Variants in IKZF3 observed in about 807,000 individuals in gnomAD.
The protein encoded by IKZF3 is zinc finger protein Aiolos.
In IKZF3, 10 loss-of-function variants were observed where a neutral mutation model predicts 49.0. The observed-to-expected ratio is 0.20, with a 90% confidence interval of 0.13 to 0.35. The LOEUF (loss-of-function observed/expected upper bound fraction) is 0.35. Ranked by LOEUF, IKZF3 falls within the 10% of genes least tolerant of loss-of-function variation. IKZF3 has a pLI of 1.00. For missense variants in IKZF3, 498 were observed against 664.8 expected (o/e 0.75, Z 2.76); for synonymous variants, 209 against 228.2 (o/e 0.92, Z 0.76).
chr17:39,785,524 G>C (rs937089578), intron 6 of IKZF3, among the ~76,000 whole-genome samples: 2 of 151,996 alleles, frequency 1.3e-5, no homozygotes, highest in East Asian at 3.9e-4. Context: ...TATTACTTTT[G>C]ATACTTTTCC....
Position 39,823,143 on chromosome 17 carries a change from C to T in IKZF3, c.163+6244G>A, listed in dbSNP as rs186590046. Among the ~76,000 whole-genome samples, 27 of 152,228 alleles carry T rather than the reference C, an allele frequency of 1.8e-4. No homozygotes were observed. The East Asian group carries it at 4.1e-3, about 23-fold the overall frequency. On this transcript the variant is annotated intron_variant, in intron 3 of 7. Transcript: ENST00000346872. ...TTCCTAGAGACTTGTTGAATGGTTT[C>T]GACCAAAATGCTGACAGTGATATGG...
At chr17:39,801,887 T>C (rs2061326535) in intron 3 of IKZF3, among the ~76,000 whole-genome samples, 1 of 152,128 alleles carries the variant, frequency 6.6e-6, no homozygotes. Flanking sequence ...AAAATGCCTA[T>C]TTTTAAATTA....
intron 3 of IKZF3, among the ~76,000 whole-genome samples, chr17:39,801,983 T>C (rs1011646478): frequency 3.3e-5 from 5 of 151,712 alleles, no homozygotes; most frequent in African/African-American, 9.7e-5. Flanking sequence ...TCCCAGCACT[T>C]TGGGAGGCTG....
At chr17:39,804,314 G>A (rs1050955825) in intron 3 of IKZF3, among the ~76,000 whole-genome samples, 1 of 152,096 alleles carries the variant, frequency 6.6e-6, no homozygotes, top group Non-Finnish European at 1.5e-5. Flanking sequence ...TGGGCATAGT[G>A]GCACGCGCCT....
chr17:39,850,515 CATATTATA>C (rs1568063673), intron 1 of IKZF3, among the ~76,000 whole-genome samples: 1,162 of 33,898 alleles, frequency 0.034, 30 homozygotes, highest in Non-Finnish European at 0.052. Context: ...TAATATATAG[CATATTATA>C]CATATTATAC....
chr17:39,859,195 A>T (rs2063149060), intron 1 of IKZF3, among the ~76,000 whole-genome samples: 1 of 152,020 alleles, frequency 6.6e-6, no homozygotes, highest in South Asian at 2.1e-4. Context: ...CTGAAAAAAT[A>T]ACCTCATTCA....
intron 3 of IKZF3, among the ~76,000 whole-genome samples, chr17:39,797,139 T>G (rs1196803922): frequency 6.6e-6 from 1 of 150,542 alleles, no homozygotes; most frequent in Non-Finnish European, 1.5e-5. Flanking sequence ...CACTCCAGCT[T>G]GGGTGACAAA....
rs146993288 is a variant in IKZF3 at position 39,787,240 on chromosome 17, A to C, written c.709+1018T>G. The stretch of plus-strand genomic sequence containing the variant: ...TCAATGGGACAAAGGACAGCTGAAG[A>C]GATGTGACACAAAAAAGTTTCAGGC... On this transcript the variant is annotated intron_variant, in intron 6 of 7. Transcript: ENST00000346872. Among the ~76,000 whole-genome samples the C allele has an allele frequency of 6.5e-3, 984 of 152,376 alleles. 4 individuals carry two copies. The highest frequency in any genetic ancestry group is 0.01 in the Admixed American group (155 of 15,304).
At position 39,815,014 on chromosome 17, in the gene IKZF3, T is replaced by C. The variant is rs2061646556; in HGVS notation, c.163+14373A>G. Among the ~76,000 whole-genome samples the C allele has an allele frequency of 3.3e-5, 5 of 152,106 alleles. No individual in the cohort carries two copies. The South Asian group carries it at 1.0e-3, about 31-fold the overall frequency. The stretch of plus-strand genomic sequence containing the variant: ...CTCCAGAACAAATGGCTTGTGTAAA[T>C]AGAGATAGTGGATGATGGGGGCTGC... On this transcript the variant is annotated intron_variant, in intron 3 of 7. Transcript: ENST00000346872.
At chr17:39,855,139 G>A (rs143018914) in intron 1 of IKZF3, among the ~76,000 whole-genome samples, 143 of 152,274 alleles carry the variant, frequency 9.4e-4, no homozygotes, top group Middle Eastern at 6.8e-3. Context: ...AGGAAGATAG[G>A]CTTAGCAGTG....
intron 1 of IKZF3, among the ~76,000 whole-genome samples, chr17:39,860,479 C>T (rs543063445): frequency 1.3e-5 from 2 of 152,214 alleles, no homozygotes; most frequent in South Asian, 2.1e-4. Context: ...GGACTAATTG[C>T]GATCCTGAAA....
intron 1 of IKZF3, among the ~76,000 whole-genome samples, chr17:39,863,276 G>C (rs2063265169): frequency 6.6e-6 from 1 of 152,084 alleles, no homozygotes; most frequent in South Asian, 2.1e-4. Flanking sequence ...CCAAAGATCA[G>C]TTCATTGTTA....
intron 1 of IKZF3, among the ~76,000 whole-genome samples, chr17:39,842,054 A>AAAAAAAAAT (rs1568050115): frequency 6.7e-6 from 1 of 148,430 alleles, no homozygotes; most frequent in Non-Finnish European, 1.5e-5. Flanking sequence ...AAAAAAAAAA[A>AAAAAAAAAT]AAAAACCAGA....
At chr17:39,782,366 G>A (rs1933195784) in intron 6 of IKZF3, among the ~76,000 whole-genome samples, 1 of 151,988 alleles carries the variant, frequency 6.6e-6, no homozygotes, top group Non-Finnish European at 1.5e-5. Flanking sequence ...GTACTCCAGT[G>A]TGAGGAACAC....
At chr17:39,824,280 T>A (rs1215752625) in intron 3 of IKZF3, among the ~76,000 whole-genome samples, 1 of 152,176 alleles carries the variant, frequency 6.6e-6, no homozygotes, top group Non-Finnish European at 1.5e-5. Context: ...ATATCTCCCA[T>A]TTGGAATGGG....
At chr17:39,789,815 C>T (rs1165611029) in intron 5 of IKZF3, among the ~76,000 whole-genome samples, 5 of 150,976 alleles carry the variant, frequency 3.3e-5, no homozygotes, top group East Asian at 3.9e-4. Context: ...GCAGGAGAAT[C>T]GCTTGAACCT....
At chr17:39,811,419 AAAAGGAAGGAAGG>A (rs947232384) in intron 3 of IKZF3, among the ~76,000 whole-genome samples, 41 of 151,434 alleles carry the variant, frequency 2.7e-4, no homozygotes, top group Admixed American at 2.2e-3. Context: ...AGGAAGGAAG[AAAAGGAAGGAAGG>A]AAAGGAAGGA....
At chr17:39,768,266 G>A (rs2060345062) in intron 7 of IKZF3, among the ~76,000 whole-genome samples, 1 of 152,134 alleles carries the variant, frequency 6.6e-6, no homozygotes, top group Non-Finnish European at 1.5e-5. Flanking sequence ...GGAAGGGAAA[G>A]CATTCTTGGA....
At chr17:39,859,248 TATTA>T (rs1195559036) in intron 1 of IKZF3, among the ~76,000 whole-genome samples, 5 of 151,882 alleles carry the variant, frequency 3.3e-5, no homozygotes, top group African/African-American at 9.7e-5. Flanking sequence ...TATATAGTAA[TATTA>T]ATTAATAAAG....
Sources: allele counts gnomAD v4.1 joint callset (sites outside exome capture counted in the v4.1 genomes callset), GRCh38; gene constraint gnomAD v4.1.1; transcripts MANE v1.5; gene names NCBI Gene and HGNC (gene_info 2026-07-23, HGNC 2026-07-21).